Variants in PCDH11Y observed in about 807,000 individuals in gnomAD.
PCDH11Y encodes protocadherin 11 Y-linked.
For missense variants in PCDH11Y, 12 were observed against 224.8 expected, an observed-to-expected ratio of 0.05 and a Z score of 6.05; for synonymous variants, 9 against 83.6, an observed-to-expected ratio of 0.11 and a Z score of 4.87.
chrY:5,427,842 C>T (rs2053265161), intron 2 of PCDH11Y, among the ~76,000 whole-genome samples: 2 of 33,026 alleles, frequency 6.1e-5, no homozygotes. Context: ...ACTTTCTGAG[C>T]AACGCATTGT....
At chrY:5,370,954 T>G in intron 2 of PCDH11Y, among the ~76,000 whole-genome samples, 1 of 30,527 alleles carries the variant, frequency 3.3e-5, no homozygotes, top group Admixed American at 3.1e-4. Flanking sequence ...AATATTTTTC[T>G]TTCATCAAAA....
chrY:5,673,194 A>G (rs2124708663), intron 4 of PCDH11Y, among the ~76,000 whole-genome samples: 2 of 32,825 alleles, frequency 6.1e-5, no homozygotes, highest in South Asian at 6.7e-4. Flanking sequence ...GTTTTACTCA[A>G]ATTGGAAGAA....
intron 2 of PCDH11Y, among the ~76,000 whole-genome samples, chrY:5,307,708 G>A: frequency 6.0e-5 from 2 of 33,178 alleles, no homozygotes; most frequent in Admixed American, 2.8e-4. Flanking sequence ...TTAGAAATGA[G>A]TATCTTGTCA....
chrY:5,281,560 T>C (rs2053053866), intron 2 of PCDH11Y, among the ~76,000 whole-genome samples: 1 of 32,524 alleles, frequency 3.1e-5, no homozygotes, highest in Admixed American at 2.9e-4. Context: ...CAAAGATAAC[T>C]AGTTGCATCT....
intron 2 of PCDH11Y, among the ~76,000 whole-genome samples, chrY:5,153,447 C>T (rs2052865780): frequency 3.0e-5 from 1 of 32,790 alleles, no homozygotes; most frequent in East Asian, 8.1e-4. Flanking sequence ...GAGTGATTTA[C>T]TTAAAAAGAG....
chrY:5,725,049 C>T (rs1378969554), intron 4 of PCDH11Y, among the ~76,000 whole-genome samples: 29 of 32,770 alleles, frequency 8.8e-4, no homozygotes, highest in Non-Finnish European at 1.8e-3. Flanking sequence ...CCGAGGCGGG[C>T]GGATCACCTG....
intron 2 of PCDH11Y, among the ~76,000 whole-genome samples, chrY:5,464,496 C>T: frequency 9.5e-5 from 3 of 31,502 alleles, no homozygotes; most frequent in African/African-American, 3.7e-4. Flanking sequence ...AGTTGCTGTT[C>T]AGATTCTTTT....
chrY:5,224,221 C>G, intron 2 of PCDH11Y, among the ~76,000 whole-genome samples: 2 of 22,931 alleles, frequency 8.7e-5, no homozygotes, highest in African/African-American at 3.6e-4. Flanking sequence ...ATAACACTGG[C>G]TATACTAGAT....
intron 1 of PCDH11Y, among the ~76,000 whole-genome samples, chrY:5,010,010 C>G (rs34454427): frequency 1.2e-4 from 4 of 32,516 alleles, no homozygotes; most frequent in Non-Finnish European, 3.0e-4. Flanking sequence ...CGAGGCCATC[C>G]TGGCCAACAT....
chrY:5,316,575 A>G (rs2053107597), intron 2 of PCDH11Y, among the ~76,000 whole-genome samples: 1 of 33,119 alleles, frequency 3.0e-5, no homozygotes, highest in Admixed American at 2.8e-4. Context: ...ATGGCAAGGA[A>G]ATATATTTTG....
At chrY:5,485,203 AAGT>A (rs369401015) in intron 2 of PCDH11Y, among the ~76,000 whole-genome samples, 189 of 33,702 alleles carry the variant, frequency 5.6e-3, no homozygotes, top group African/African-American at 0.021. Context: ...AGAAATTAGG[AAGT>A]AGGCTTTTCT....
intron 2 of PCDH11Y, among the ~76,000 whole-genome samples, chrY:5,133,202 C>G: frequency 3.1e-5 from 1 of 32,391 alleles, no homozygotes; most frequent in Non-Finnish European, 7.6e-5. Flanking sequence ...ATTAAAATTA[C>G]AAAATGCCAA....
chrY:5,660,201 T>C (rs2053540131), intron 4 of PCDH11Y, among the ~76,000 whole-genome samples: 1 of 30,592 alleles, frequency 3.3e-5, no homozygotes, highest in Non-Finnish European at 7.8e-5. Flanking sequence ...TCACTTTTAT[T>C]GTTGCGAGCT....
chrY:5,475,250 A>T (rs2053317628), intron 2 of PCDH11Y, among the ~76,000 whole-genome samples: 1 of 32,891 alleles, frequency 3.0e-5, no homozygotes, highest in African/African-American at 1.2e-4. Context: ...CTTATTCTTG[A>T]TCTCAGAGGG....
chrY:5,280,193 C>A lies in PCDH11Y; in HGVS notation c.3129+179486C>A, dbSNP rs1156963270. Among the ~76,000 whole-genome samples the A allele has an allele frequency of 1.9e-4, 6 of 32,257 alleles. No homozygotes were observed. In the East Asian group the frequency reaches 4.9e-3, roughly 26 times the overall value. 86.5% of individuals were successfully genotyped at this position (32,257 alleles called of 37,273 possible). The stretch of plus-strand genomic sequence containing the variant: ...TGTGCAGGTTTGTAACATAGGTAAA[C>A]TTATGTCATAGGGGTTTGTTGTACA... On this transcript the variant is annotated intron_variant, in intron 2 of 4. Coordinates refer to the PCDH11Y transcript ENST00000400457.
intron 2 of PCDH11Y, among the ~76,000 whole-genome samples, chrY:5,225,397 T>C: frequency 1.4e-4 from 2 of 14,179 alleles, no homozygotes; most frequent in Non-Finnish European, 3.0e-4. Context: ...GTTTGGTTTA[T>C]TTCACTTAAC....
At chrY:5,560,122 A>G in intron 3 of PCDH11Y, among the ~76,000 whole-genome samples, 2 of 33,237 alleles carry the variant, frequency 6.0e-5, no homozygotes. Context: ...ATGTTTCAAC[A>G]AAGAGACTGG....
chrY:5,675,921 G>A, intron 4 of PCDH11Y, among the ~76,000 whole-genome samples: 1 of 30,172 alleles, frequency 3.3e-5, no homozygotes, highest in Admixed American at 3.0e-4. Flanking sequence ...ACCATTCTGG[G>A]GTCTGTGACC....
chrY:5,107,966 G>C (rs2052794981), downstream of PCDH11Y, among the ~76,000 whole-genome samples: 1 of 30,436 alleles, frequency 3.3e-5, no homozygotes, highest in Non-Finnish European at 7.9e-5. Flanking sequence ...GGCTGAGGCA[G>C]GAGAATGGCG....
Sources: gnomAD v4.1 joint callset for allele counts (sites outside exome capture counted in the v4.1 genomes callset) on GRCh38, gnomAD v4.1.1 for gene constraint, MANE v1.5 for transcripts, NCBI Gene and HGNC (gene_info 2026-07-23, HGNC 2026-07-21) for gene names.